GLRA2: variants seen among roughly 807,000 people sequenced by gnomAD.
GLRA2 encodes glycine receptor alpha 2.
A neutral mutation model predicts 31.6 loss-of-function variants in GLRA2; 11 were observed. The ratio of observed to expected loss-of-function variants is 0.35; its 90% CI spans 0.22 to 0.58. The LOEUF (loss-of-function observed/expected upper bound fraction) is 0.58, where lower values mean the gene tolerates loss of function less well. GLRA2 is among the 20% of genes least tolerant of loss of function. GLRA2 has a pLI of 0.84. For missense variants in GLRA2, 212 were observed against 351.8 expected, an observed-to-expected ratio of 0.60 and a Z score of 3.18; for synonymous variants, 132 against 134.0, an observed-to-expected ratio of 0.99 and a Z score of 0.10.
intron 2 of GLRA2, among the ~76,000 whole-genome samples, chrX:14,568,898 T>C (rs1237491867): frequency 2.7e-5 from 3 of 111,167 alleles, no homozygotes; most frequent in Non-Finnish European, 5.7e-5. Context: ...GATTTGGCAA[T>C]TGATCCTTGG....
rs765854916 is a variant in GLRA2, at chrX:14,599,530, A to T, written c.495-4785A>T. ...TAGACATATCAGCCTTATTTGGTGC[A>T]ATTTCTGCATGTCTGTACAAAATAA... is the stretch of plus-strand genomic sequence containing the variant. On this transcript the variant is annotated intron_variant, in intron 4 of 8. Coordinates refer to ENST00000218075, the MANE Select transcript of GLRA2 (RefSeq NM_002063.4). Among the ~76,000 whole-genome samples, 30 of 112,652 alleles carry T rather than the reference A, an allele frequency of 2.7e-4. No individual in the cohort carries two copies. In the Middle Eastern group the frequency reaches 0.014, roughly 52 times the overall value.
chrX:14,490,049 G>C, the GLRA2 span, among the ~76,000 whole-genome samples: 10 of 110,820 alleles, frequency 9.0e-5, no homozygotes, highest in Non-Finnish European at 1.7e-4. Flanking sequence ...GCATTGTCTT[G>C]TCCTGATCTT....
intron 7 of GLRA2, among the ~76,000 whole-genome samples, chrX:14,656,747 C>G (rs1413541717): frequency 7.1e-5 from 8 of 112,001 alleles, no homozygotes; most frequent in African/African-American, 9.7e-5. Context: ...ACAGAAAAAG[C>G]CTTTGTCCTC....
intron 3 of GLRA2, among the ~76,000 whole-genome samples, chrX:14,575,303 C>T (rs758254069): frequency 6.1e-4 from 67 of 109,219 alleles, no homozygotes; most frequent in African/African-American, 2.1e-3. Context: ...CAGGTTCAAG[C>T]GATTCTTCCA....
chrX:14,612,021 A>G (rs2090404029), intron 7 of GLRA2, among the ~76,000 whole-genome samples: 1 of 111,961 alleles, frequency 8.9e-6, no homozygotes. Flanking sequence ...GAATCTCATA[A>G]TAATATTACA....
chrX:14,546,243 A>G (rs1259633504), intron 2 of GLRA2, among the ~76,000 whole-genome samples: 3 of 111,869 alleles, frequency 2.7e-5, no homozygotes, highest in Non-Finnish European at 3.8e-5. Context: ...CATAAAAGGA[A>G]TTATCCACAG....
chrX:14,667,382 TACTCA>T (rs902459048), intron 7 of GLRA2, among the ~76,000 whole-genome samples: 14 of 111,992 alleles, frequency 1.3e-4, no homozygotes, highest in Non-Finnish European at 2.3e-4. Flanking sequence ...CTGTTGCAGC[TACTCA>T]ACTCTACCAT....
the GLRA2 span, among the ~76,000 whole-genome samples, chrX:14,455,412 C>G: frequency 9.0e-6 from 1 of 111,478 alleles, no homozygotes; most frequent in Non-Finnish European, 1.9e-5. Context: ...GAGAATTTCT[C>G]TTTATTCAGT....
chrX:14,696,172 A>C (rs2147196818), intron 8 of GLRA2, among the ~76,000 whole-genome samples: 1 of 96,863 alleles, frequency 1.0e-5, no homozygotes, highest in African/African-American at 3.7e-5. Context: ...AAAGGAGAAG[A>C]AGGGAGGGAG....
chrX:14,637,525 T>A (rs1359082563), intron 7 of GLRA2, among the ~76,000 whole-genome samples: 1 of 112,389 alleles, frequency 8.9e-6, no homozygotes, highest in East Asian at 2.8e-4. Context: ...TCCACACTTA[T>A]GAAATCTCCT....
intron 8 of GLRA2, among the ~76,000 whole-genome samples, chrX:14,701,698 T>A (rs1222718091): frequency 1.8e-5 from 2 of 112,935 alleles, no homozygotes; most frequent in Non-Finnish European, 3.7e-5. Flanking sequence ...TATTCTTTAT[T>A]TGCAATAAAA....
At chrX:14,497,125 C>G in the GLRA2 span, among the ~76,000 whole-genome samples, 3 of 111,651 alleles carry the variant, frequency 2.7e-5, no homozygotes, top group Non-Finnish European at 5.7e-5. Context: ...TCTTAGAACA[C>G]AGAAGAGGAA....
intron 4 of GLRA2, among the ~76,000 whole-genome samples, chrX:14,592,983 G>A (rs1053759552): frequency 4.5e-5 from 5 of 111,828 alleles, no homozygotes; most frequent in African/African-American, 1.6e-4. Flanking sequence ...ACTTTCTCAT[G>A]GCAGAAAGCC....
the GLRA2 span, among the ~76,000 whole-genome samples, chrX:14,520,819 G>A: frequency 4.4e-5 from 5 of 112,668 alleles, no homozygotes; most frequent in Non-Finnish European, 1.9e-5. Flanking sequence ...AAGTGTTCTT[G>A]CTCTATGGAC....
At chrX:14,657,564 G>GT (rs1432977742) in intron 7 of GLRA2, among the ~76,000 whole-genome samples, 1 of 112,422 alleles carries the variant, frequency 8.9e-6, no homozygotes, top group African/African-American at 3.2e-5. Context: ...ATTCCAAACT[G>GT]TTTGAGTCTC....
At chrX:14,524,987 A>G (rs2089183035), upstream of GLRA2, among the ~76,000 whole-genome samples, 3 of 111,050 alleles carry the variant, frequency 2.7e-5, no homozygotes, top group South Asian at 1.1e-3. Flanking sequence ...CAAACTATAG[A>G]TTCCTCATTA....
the GLRA2 span, among the ~76,000 whole-genome samples, chrX:14,449,906 TGCTGGCACAGGA>T: frequency 9.8e-5 from 11 of 112,060 alleles, no homozygotes; most frequent in African/African-American, 3.6e-4. Context: ...TAGGCTCATG[TGCTGGCACAGGA>T]GCTAGCTATC....
At chrX:14,476,567 T>G in the GLRA2 span, among the ~76,000 whole-genome samples, 3 of 111,880 alleles carry the variant, frequency 2.7e-5, no homozygotes, top group Admixed American at 2.9e-4. Context: ...CTCACAGATG[T>G]CATTCTGATA....
At chrX:14,630,015 CT>C (rs1368477033) in intron 7 of GLRA2, among the ~76,000 whole-genome samples, 1 of 111,541 alleles carries the variant, frequency 9.0e-6, no homozygotes, top group African/African-American at 3.3e-5. Context: ...CTGTATTCAC[CT>C]TGGTAGTTAC....
Sources: gnomAD v4.1 joint callset for allele counts (sites outside exome capture counted in the v4.1 genomes callset) on GRCh38, gnomAD v4.1.1 for gene constraint, MANE v1.5 for transcripts, NCBI Gene and HGNC (gene_info 2026-07-23, HGNC 2026-07-21) for gene names.